Variants in RAD54L observed in about 807,000 individuals in gnomAD.
RAD54L encodes RAD54 like, also known as DNA repair and recombination protein RAD54-like.
A neutral mutation model predicts 91.6 loss-of-function variants in RAD54L; 74 were observed. That is an observed-to-expected ratio of 0.81 (90% CI 0.67 to 0.98). The LOEUF (loss-of-function observed/expected upper bound fraction) is 0.98. Ranked by LOEUF, RAD54L falls within the 50% of genes least tolerant of loss-of-function variation. The probability of loss-of-function intolerance (pLI) is 0.00; values close to 1 mark genes in which losing one functional copy is unlikely to be tolerated. For synonymous variants in RAD54L, 304 were observed against 349.7 expected (o/e 0.87, Z 1.46); for missense variants, 887 against 945.7 (o/e 0.94, Z 0.81).
chr1:46,253,423 A>G (rs1659854865), intron 3 of RAD54L, among the ~76,000 whole-genome samples: 1 of 152,184 alleles, frequency 6.6e-6, no homozygotes, highest in African/African-American at 2.4e-5. Flanking sequence ...GATTGAGACC[A>G]TCCTGGCTAA....
chr1:46,278,309 T>G lies in RAD54L; in HGVS notation c.*27T>G. On this transcript the variant is annotated 3_prime_UTR_variant, in exon 18 of 18. Transcript: ENST00000371975. ...AACCAGCTGGTCTGGGTGTAGCTCT[T>G]AGAGGAAGGAGATAGGGAAAAGGGG... is the stretch of plus-strand genomic sequence containing the variant. 6.3e-7 allele frequency: 1 copy of G among 1,590,104 alleles called. No individual in the cohort carries two copies. The highest frequency in any genetic ancestry group is 8.6e-7 in the Non-Finnish European group (1 of 1,167,194).
chr1:46,273,734 T>C lies in RAD54L; in HGVS notation c.1597T>C (p.Cys533Arg). Residue 533 changes from cysteine (C) to arginine (R), a missense_variant, in exon 14 of 18, where the codon TGC (cysteine) becomes CGC (arginine). Cys to Arg is a radical substitution (Grantham distance 180). Transcript: ENST00000371975. ...TQTLDLFEKL[C>R]RARRYLYVRL... ...GACTTTGGATCTCTTTGAGAAGCTG[T>C]GCCGTGCCCGAAGGTAGGGAAGATC... The C allele has an allele frequency of 6.2e-7, 1 of 1,609,334 alleles. No individual in the cohort carries two copies. Among genetic ancestry groups the C allele is most frequent in the Non-Finnish European group, 8.5e-7 (1 of 1,177,732 alleles).
intron 7 of RAD54L, 67 bp downstream of exon 7, chr1:46,261,082 C>A: frequency 6.3e-7 from 1 of 1,577,410 alleles, no homozygotes; most frequent in South Asian, 1.1e-5. Flanking sequence ...CGTGTATGCT[C>A]ATTTATGGCC....
intron 6 of RAD54L, 55 bp downstream of exon 6, chr1:46,260,666 A>G: frequency 6.2e-7 from 1 of 1,613,810 alleles, no homozygotes; most frequent in Non-Finnish European, 8.5e-7. Context: ...CTGGGAGACT[A>G]CCATCCCTGG....
intron 14 of RAD54L, among the ~76,000 whole-genome samples, 161 bp from the exon 15 acceptor site, chr1:46,273,977 C>G (rs1241514817): frequency 6.6e-6 from 1 of 152,176 alleles, no homozygotes; most frequent in Admixed American, 6.5e-5. Context: ...CTGCCCCTGC[C>G]TTTGGGAGCT....
rs746240839 is a variant in RAD54L, at chr1:46,274,088, C to T, written c.1611-50C>T. 2.0e-6 allele frequency: 3 copies of T among 1,517,410 alleles called. No individual in the cohort carries two copies. The African/African-American group carries it at 4.2e-5, about 21-fold the overall frequency. The allele number at this position is 1,517,410 out of a possible 1,614,324, so 94.0% of individuals were successfully genotyped here. On this transcript the variant is annotated intron_variant, in intron 14 of 17. Coordinates refer to ENST00000371975, the MANE Select transcript of RAD54L (RefSeq NM_003579.4). ...AAAATTTTTATTTTTAATTTTTTTT[C>T]CCCCTAATCATTGAAGCTTTATTTT...
chr1:46,249,880 T>C, intron 2 of RAD54L, 120 bp from the exon 3 acceptor site: 1 of 1,055,550 alleles, frequency 9.5e-7, no homozygotes, highest in Non-Finnish European at 1.4e-6. Flanking sequence ...TGATACACTA[T>C]GACATGTGTG....
intron 16 of RAD54L, among the ~76,000 whole-genome samples, chr1:46,274,994 T>C (rs548881678): frequency 5.4e-4 from 83 of 152,360 alleles, no homozygotes; most frequent in Non-Finnish European, 8.7e-4. Context: ...GTCACTGGCC[T>C]TGTAGTCTTC....
chr1:46,268,571 T>G (rs566135030), intron 9 of RAD54L, among the ~76,000 whole-genome samples: 29 of 152,326 alleles, frequency 1.9e-4, no homozygotes, highest in African/African-American at 7.0e-4. Flanking sequence ...GGCAGCAAAC[T>G]CCTTCCTGAC....
At chr1:46,269,367 G>A (rs1161048971) in intron 9 of RAD54L, among the ~76,000 whole-genome samples, 1 of 150,024 alleles carries the variant, frequency 6.7e-6, no homozygotes, top group Non-Finnish European at 1.5e-5. Context: ...GGAATGCAGT[G>A]GTGAGATCAT....
chr1:46,257,584 C>T (rs933044964), intron 3 of RAD54L, among the ~76,000 whole-genome samples: 16 of 152,254 alleles, frequency 1.1e-4, no homozygotes, highest in African/African-American at 3.9e-4. Flanking sequence ...ACAGAGGCTT[C>T]TTGCCTTTAG....
intron 16 of RAD54L, among the ~76,000 whole-genome samples, chr1:46,275,354 C>A (rs1426494138): frequency 6.6e-6 from 1 of 152,186 alleles, no homozygotes; most frequent in African/African-American, 2.4e-5. Context: ...ACCTTAATAA[C>A]TGTCATTCTA....
chr1:46,272,471 T>G lies in RAD54L; in HGVS notation c.1175T>G (p.Leu392Arg), dbSNP rs747584738. The change falls in exon 11 of 18, where the codon CTG (leucine) becomes CGG (arginine). Residue 392 changes from leucine (L) to arginine (R), a missense_variant. Transcript: ENST00000371975. ...TTTTATCCTGTTTTCTCTAGATGCC[T>G]GATACGGAGGACTTCTGATATCCTT... ...RELTSIVNRCLIRRTSDILSK... is the reference protein window; with the variant it reads ...RELTSIVNRCRIRRTSDILSK... 6.2e-7 allele frequency: 1 copy of G among 1,609,372 alleles called. No homozygotes were observed. Among genetic ancestry groups the G allele is most frequent in the Non-Finnish European group, 8.5e-7 (1 of 1,175,592 alleles).
At chr1:46,271,201 A>AG (rs778976616) in intron 10 of RAD54L, among the ~76,000 whole-genome samples, 1 of 152,180 alleles carries the variant, frequency 6.6e-6, no homozygotes, top group Non-Finnish European at 1.5e-5. Context: ...TCCCAGGCTA[A>AG]GGGGACTGAC....
chr1:46,258,897 G>C, intron 4 of RAD54L, 151 bp downstream of exon 4: 1 of 687,770 alleles, frequency 1.5e-6, no homozygotes, highest in Non-Finnish European at 2.6e-6. Context: ...CCTGAGGCCT[G>C]CATGAAAACT....
chr1:46,262,690 G>T (rs1342420272), intron 8 of RAD54L, among the ~76,000 whole-genome samples: 5 of 152,080 alleles, frequency 3.3e-5, no homozygotes, highest in Non-Finnish European at 7.4e-5. Flanking sequence ...CATTGTCAGG[G>T]TGAGGGAGGC....
intron 6 of RAD54L, 42 bp downstream of exon 6, chr1:46,260,653 A>G (rs1425692264): frequency 6.2e-7 from 1 of 1,613,654 alleles, no homozygotes; most frequent in South Asian, 1.1e-5. Flanking sequence ...CTATGGGCTG[A>G]GCCTGGGAGA....
chr1:46,261,339 T>G lies in RAD54L; in HGVS notation c.845T>G (p.Val282Gly). 1.2e-6 allele frequency: 2 copies of G among 1,614,080 alleles called. No individual in the cohort carries two copies. The highest frequency in any genetic ancestry group is 2.2e-5 in the South Asian group (2 of 91,058). ...TCCTATGAGACCTTCCGCCTTCATG[T>G]TGGAGTCCTCCAGAAAGGAAGTGTT... Reference protein sequence around the residue: ...IISYETFRLHVGVLQKGSVGL... With the variant: ...IISYETFRLHGGVLQKGSVGL... Residue 282 changes from valine (V) to glycine (G), a missense_variant, in exon 8 of 18, where the codon GTT becomes GGT. Physicochemically the swap from Val to Gly is moderately radical, Grantham distance 109 (BLOSUM62 -3). Coordinates refer to ENST00000371975, the MANE Select transcript of RAD54L (RefSeq NM_003579.4).
Position 46,270,760 on chromosome 1 carries a change from C to T in RAD54L, c.1144C>T (p.Arg382Trp), listed in dbSNP as rs764014400. Reference sequence around the variant, plus strand: ...CAGGCAGCTAGGAGAGGAGCGGCTGCGGGAGCTCACCAGCATTGTGAATAG... The same window carrying T: ...CAGGCAGCTAGGAGAGGAGCGGCTGTGGGAGCTCACCAGCATTGTGAATAG... The part of the protein sequence containing the change: ...ADRQLGEERL[R>W]ELTSIVNRCL... Residue 382 changes from arginine (R) to tryptophan (W), a missense_variant, in exon 10 of 18, where the codon CGG becomes TGG. Physicochemically the swap from Arg to Trp is moderately radical, Grantham distance 101. Transcript: ENST00000371975. 1.4e-5 allele frequency: 23 copies of T among 1,614,162 alleles called. No homozygotes were observed. The highest frequency in any genetic ancestry group is 1.3e-5 in the African/African-American group (1 of 75,066).
Sources: gnomAD v4.1 joint callset for allele counts (sites outside exome capture counted in the v4.1 genomes callset) on GRCh38, gnomAD v4.1.1 for gene constraint, MANE v1.5 for transcripts, NCBI Gene and HGNC (gene_info 2026-07-23, HGNC 2026-07-21) for gene names.